The following SERBP1 variants were observed in gnomAD, a reference collection of about 807,000 sequenced individuals.
SERBP1 encodes SERPINE1 mRNA binding protein 1, also known as SERPINE1 mRNA-binding protein 1.
Under a neutral mutation model 50.2 loss-of-function variants are expected in SERBP1, and 6 were observed. That is an observed-to-expected ratio of 0.12 (90% CI 0.07 to 0.24). SERBP1 has a LOEUF of 0.24. SERBP1 is among the 10% of genes least tolerant of loss of function. The probability of loss-of-function intolerance (pLI) is 1.00; values close to 1 mark genes in which losing one functional copy is unlikely to be tolerated. For synonymous variants in SERBP1, 168 were observed against 182.8 expected, an observed-to-expected ratio of 0.92 and a Z score of 0.65; for missense variants, 346 against 524.9, an observed-to-expected ratio of 0.66 and a Z score of 3.33.
intron 1 of SERBP1, chr1:67,429,776 C>T: frequency 1.8e-6 from 1 of 548,252 alleles, no homozygotes; most frequent in Non-Finnish European, 3.2e-6. Context: ...AAGGGGATGG[C>T]TCCGAGAACC....
chr1:67,414,932 C>G (rs912079675), intron 7 of SERBP1, among the ~76,000 whole-genome samples: 1 of 152,158 alleles, frequency 6.6e-6, no homozygotes, highest in Non-Finnish European at 1.5e-5. Context: ...CCTAGCCCAG[C>G]ACCATGACCG....
rs1267218266 is a variant in SERBP1 at position 67,410,267 on chromosome 1, T to C, written c.*2940A>G. 2 of 152,208 alleles carry C rather than the reference T, an allele frequency of 1.3e-5. No homozygotes were observed. The highest frequency in any genetic ancestry group is 2.9e-5 in the Non-Finnish European group (2 of 68,030). The allele number at this position is 152,208 out of a possible 1,614,324, so 9.4% of individuals were successfully genotyped here. A position where few individuals can be genotyped will look rare whatever the true frequency, so the allele number is the denominator to read the frequency against. ...TACAAAACCAATTGCACCAACCTAG[T>C]ATTTTCGAAATCCAATACACATTTA... On this transcript the variant is annotated 3_prime_UTR_variant, in exon 8 of 8. Coordinates refer to ENST00000361219, the MANE Select transcript of SERBP1 (RefSeq NM_001018069.2).
At position 67,409,421 on chromosome 1, in the gene SERBP1, C is replaced by CACACACACACACACACACACA. The variant is rs1553132862; in HGVS notation, c.*3785_*3786insTGTGTGTGTGTGTGTGTGTGT. 5.5e-5 allele frequency: 6 copies of CACACACACACACACACACACA among 108,948 alleles called. No individual in the cohort carries two copies. The highest frequency in any genetic ancestry group is 3.2e-4 in the East Asian group (1 of 3,120). The allele number at this position is 108,948 out of a possible 1,614,324, so 6.7% of individuals were successfully genotyped here. A position where few individuals can be genotyped will look rare whatever the true frequency, so the allele number is the denominator to read the frequency against. On this transcript the variant is annotated 3_prime_UTR_variant, in exon 8 of 8. Transcript: ENST00000361219. Reference sequence around the variant, plus strand: ...CACACACACACACACACACACACACCCCCACACACACCAGGTCACAGGCTG... The same window carrying CACACACACACACACACACACA: ...CACACACACACACACACACACACACCACACACACACACACACACACACCCACACACACCAGGTCACAGGCTG...
Position 67,409,057 on chromosome 1 carries a change from G to C in SERBP1, c.*4150C>G, listed in dbSNP as rs1365413961. 2 of 151,856 alleles carry C rather than the reference G, an allele frequency of 1.3e-5. No individual in the cohort carries two copies. The highest frequency in any genetic ancestry group is 4.8e-5 in the African/African-American group (2 of 41,312). The allele number at this position is 151,856 out of a possible 1,614,324, so 9.4% of individuals were successfully genotyped here. ...ACCTCCCGGGTTCAAGTGATTCTTG[G>C]GTGTGGTGGTGTACACCTGTAAAAT... On this transcript the variant is annotated 3_prime_UTR_variant, in exon 8 of 8. Coordinates refer to ENST00000361219, the MANE Select transcript of SERBP1 (RefSeq NM_001018069.2).
At chr1:67,425,343 T>A in intron 2 of SERBP1, 120 bp from the exon 3 acceptor site, 1 of 914,932 alleles carries the variant, frequency 1.1e-6, no homozygotes, top group Non-Finnish European at 1.6e-6. Flanking sequence ...GTTAAATACA[T>A]ACACTTCAGA....
intron 1 of SERBP1, among the ~76,000 whole-genome samples, chr1:67,426,513 A>T (rs2100442694): frequency 6.6e-6 from 1 of 152,358 alleles, no homozygotes; most frequent in South Asian, 2.1e-4. Flanking sequence ...TAAATAAAAT[A>T]AAAACAATAA....
intron 6 of SERBP1, among the ~76,000 whole-genome samples, chr1:67,417,956 GAAAGTT>G (rs1397343888): frequency 7.1e-5 from 10 of 140,986 alleles, no homozygotes; most frequent in African/African-American, 2.6e-4. Flanking sequence ...GAAGACATGT[GAAAGTT>G]AAAGTGTTGT....
rs77029634 is a variant in SERBP1 at position 67,415,995 on chromosome 1, A to G, written c.952-656T>C. ...TATGCACAAATAAAACCACACCTTA[A>G]ATGTGTCACAGGAACCTTTTTTTTT... On this transcript the variant is annotated intron_variant, in intron 6 of 7. Transcript: ENST00000361219. Among the ~76,000 whole-genome samples, 869 of 151,092 alleles carry G rather than the reference A, an allele frequency of 5.8e-3. 12 individuals carry two copies. Among genetic ancestry groups the G allele is most frequent in the African/African-American group, 0.02 (822 of 41,188 alleles).
rs1666755808 is a variant in SERBP1, at chr1:67,409,423, C to CACACACACACACACACACACACACACACA, written c.*3783_*3784insTGTGTGTGTGTGTGTGTGTGTGTGTGTGT. 8.7e-6 allele frequency: 1 copy of CACACACACACACACACACACACACACACA among 114,810 alleles called. No individual in the cohort carries two copies. Among genetic ancestry groups the CACACACACACACACACACACACACACACA allele is most frequent in the African/African-American group, 4.0e-5 (1 of 25,196 alleles). 7.1% of individuals were successfully genotyped at this position (114,810 alleles called of 1,614,324 possible). A position where few individuals can be genotyped will look rare whatever the true frequency, so the allele number is the denominator to read the frequency against. ...CACACACACACACACACACACACCC[C>CACACACACACACACACACACACACACACA]CACACACACCAGGTCACAGGCTGAA... On this transcript the variant is annotated 3_prime_UTR_variant, in exon 8 of 8. Coordinates refer to ENST00000361219, the MANE Select transcript of SERBP1 (RefSeq NM_001018069.2).
At chr1:67,413,800 G>C (rs1206448404) in intron 7 of SERBP1, among the ~76,000 whole-genome samples, 1 of 151,932 alleles carries the variant, frequency 6.6e-6, no homozygotes, top group Non-Finnish European at 1.5e-5. Flanking sequence ...AATAATATGG[G>C]TTGTTTTCTT....
chr1:67,426,952 T>C (rs1293628857), intron 1 of SERBP1, among the ~76,000 whole-genome samples: 2 of 152,210 alleles, frequency 1.3e-5, no homozygotes, highest in East Asian at 3.8e-4. Context: ...TTTGGTCTTC[T>C]TAGCTACAGG....
intron 1 of SERBP1, among the ~76,000 whole-genome samples, chr1:67,429,115 A>G (rs758091568): frequency 3.3e-5 from 5 of 150,282 alleles, no homozygotes; most frequent in Admixed American, 6.6e-5. Flanking sequence ...CATGTGGTGG[A>G]AAAAAAAAAC....
At position 67,426,276 on chromosome 1, in the gene SERBP1, C is replaced by G; in HGVS notation, c.323G>C (p.Arg108Pro). 6.3e-7 allele frequency: 1 copy of G among 1,589,088 alleles called. No individual in the cohort carries two copies. The highest frequency in any genetic ancestry group is 8.5e-7 in the Non-Finnish European group (1 of 1,169,908). The change falls in exon 2 of 8, where the codon CGA (arginine) becomes CCA (proline). Residue 108 changes from arginine (R) to proline (P), a missense_variant. Arg to Pro is a moderately radical substitution (Grantham distance 103). Transcript: ENST00000361219. ...TTGTTGATCAGGTCTTCTTCCAACT[C>G]GTCTTATTCCTAAAACGATAAGATA... Reference protein sequence around the residue: ...PVALKKEGIRRVGRRPDQQLQ... With the variant: ...PVALKKEGIRPVGRRPDQQLQ...
At chr1:67,419,282 A>G (rs1667128498) in intron 6 of SERBP1, among the ~76,000 whole-genome samples, 1 of 152,246 alleles carries the variant, frequency 6.6e-6, no homozygotes, top group Non-Finnish European at 1.5e-5. Flanking sequence ...ATAATACGCA[A>G]CATACAAAAT....
In SERBP1 at chr1:67,412,388, C is replaced by T. The variant is rs1037260955; in HGVS notation, c.*819G>A. 19 of 152,420 alleles carry T rather than the reference C, an allele frequency of 1.2e-4. No individual in the cohort carries two copies. The highest frequency in any genetic ancestry group is 4.6e-4 in the African/African-American group (19 of 41,436). The allele number at this position is 152,420 out of a possible 1,614,324, so 9.4% of individuals were successfully genotyped here. A position where few individuals can be genotyped will look rare whatever the true frequency, so the allele number is the denominator to read the frequency against. On this transcript the variant is annotated 3_prime_UTR_variant, in exon 8 of 8. Coordinates refer to ENST00000361219, the MANE Select transcript of SERBP1 (RefSeq NM_001018069.2). ...AAACTACTTCACTTGACACGATGTG[C>T]CTACCAACAATAAGTAGTTTAAACA...
chr1:67,419,833 T>G (rs1570290783), intron 6 of SERBP1, 176 bp downstream of exon 6: 2 of 599,878 alleles, frequency 3.3e-6, no homozygotes, highest in Non-Finnish European at 2.9e-6. Flanking sequence ...GGACTAAATT[T>G]CTTAGAATAT....
Position 67,409,987 on chromosome 1 carries a change from G to C in SERBP1, c.*3220C>G, listed in dbSNP as rs982015278. 1 of 152,122 alleles carries C rather than the reference G, an allele frequency of 6.6e-6. No homozygotes were observed. The highest frequency in any genetic ancestry group is 2.4e-5 in the African/African-American group (1 of 41,428). 9.4% of individuals were successfully genotyped at this position (152,122 alleles called of 1,614,324 possible). On this transcript the variant is annotated 3_prime_UTR_variant, in exon 8 of 8. Coordinates refer to ENST00000361219, the MANE Select transcript of SERBP1 (RefSeq NM_001018069.2). ...AAAACTTATTTACATATTTGTCTCAGTATAATCCAAAACGTCTGGGTTATA... is the reference window on the plus strand; with the variant it reads ...AAAACTTATTTACATATTTGTCTCACTATAATCCAAAACGTCTGGGTTATA...
chr1:67,422,629 T>G (rs1272522153), intron 5 of SERBP1, among the ~76,000 whole-genome samples: 1 of 152,046 alleles, frequency 6.6e-6, no homozygotes, highest in African/African-American at 2.4e-5. Flanking sequence ...ATCCAAGACT[T>G]TAAACCACAA....
intron 5 of SERBP1, among the ~76,000 whole-genome samples, chr1:67,421,774 T>G (rs1465987876): frequency 6.6e-6 from 1 of 151,994 alleles, no homozygotes; most frequent in Non-Finnish European, 1.5e-5. Flanking sequence ...GCCAACATGG[T>G]GTAACCATGT....
Sources: gnomAD v4.1 joint callset for allele counts (sites outside exome capture counted in the v4.1 genomes callset) on GRCh38, gnomAD v4.1.1 for gene constraint, MANE v1.5 for transcripts, NCBI Gene and HGNC (gene_info 2026-07-23, HGNC 2026-07-21) for gene names.